The following PTPRK variants were observed in gnomAD, a reference collection of about 807,000 sequenced individuals.
PTPRK encodes the protein receptor-type tyrosine-protein phosphatase kappa.
A neutral mutation model predicts 178.0 loss-of-function variants in PTPRK; 75 were observed. The ratio of observed to expected loss-of-function variants is 0.42; its 90% confidence interval spans 0.35 to 0.51. The LOEUF (loss-of-function observed/expected upper bound fraction) is 0.51. Among genes scored for constraint, PTPRK ranks in the 20% least tolerant of loss-of-function variants. The probability of loss-of-function intolerance (pLI) is 0.02; values close to 1 mark genes in which losing one functional copy is unlikely to be tolerated. For missense variants in PTPRK, 1,441 were observed against 1,797.8 expected, an observed-to-expected ratio of 0.80 and a Z score of 3.59; for synonymous variants, 637 against 620.6, an observed-to-expected ratio of 1.03 and a Z score of -0.39.
intron 2 of PTPRK, among the ~76,000 whole-genome samples, chr6:128,359,559 C>G (rs926671226): frequency 6.6e-6 from 1 of 151,834 alleles, no homozygotes; most frequent in Non-Finnish European, 1.5e-5. Flanking sequence ...CGGGGCCAGC[C>G]TAACCTATAT....
At chr6:128,141,889 A>G (rs1050760052) in intron 7 of PTPRK, among the ~76,000 whole-genome samples, 1 of 151,922 alleles carries the variant, frequency 6.6e-6, no homozygotes, top group African/African-American at 2.4e-5. Context: ...TTTGCTTTCA[A>G]TTTTATAAGA....
At chr6:128,298,486 C>A (rs925419019) in intron 3 of PTPRK, among the ~76,000 whole-genome samples, 1 of 151,664 alleles carries the variant, frequency 6.6e-6, no homozygotes, top group African/African-American at 2.4e-5. Context: ...TACTGGCAAA[C>A]CGAATCCAGC....
rs1166490243 is a variant in PTPRK, at chr6:128,321,665, C to G, written c.495+374G>C. ...AGTCCAGTCTGAAGATTACAATAAA[C>G]TCAAAAAGGCTATTTCTTCCTGAAC... is the stretch of plus-strand genomic sequence containing the variant. On this transcript the variant is annotated intron_variant, in intron 3 of 29. Transcript: ENST00000368226. 9.7e-6 allele frequency: 6 copies of G among 620,516 alleles called. No individual in the cohort carries two copies. The East Asian group carries it at 1.6e-4, about 17-fold the overall frequency. 38.4% of individuals were successfully genotyped at this position (620,516 alleles called of 1,614,324 possible).
chr6:128,270,960 A>T (rs1396784204), intron 3 of PTPRK, among the ~76,000 whole-genome samples: 1 of 152,198 alleles, frequency 6.6e-6, no homozygotes, highest in African/African-American at 2.4e-5. Flanking sequence ...TAAAAAAAAA[A>T]TCTTAAAAAG....
chr6:128,316,354 ATTTCTCCTGACCGCTCATTATT>A (rs1827993912), intron 3 of PTPRK, among the ~76,000 whole-genome samples: 1 of 152,252 alleles, frequency 6.6e-6, no homozygotes, highest in African/African-American at 2.4e-5. Context: ...AACAATGCTT[ATTTCTCCTGACCGCTCATTATT>A]TTTCAATCAG....
chr6:128,214,364 C>T (rs921575692), intron 6 of PTPRK, among the ~76,000 whole-genome samples: 7 of 152,070 alleles, frequency 4.6e-5, no homozygotes, highest in Non-Finnish European at 1.5e-5. Flanking sequence ...GTACCATATT[C>T]CAAACTCTGT....
chr6:128,430,211 C>A (rs1451843944), intron 1 of PTPRK, among the ~76,000 whole-genome samples: 1 of 152,132 alleles, frequency 6.6e-6, no homozygotes, highest in Non-Finnish European at 1.5e-5. Context: ...TCTCAGGAAG[C>A]AGCTTAATAC....
chr6:128,364,198 G>A (rs1835161076), intron 2 of PTPRK, among the ~76,000 whole-genome samples: 1 of 151,884 alleles, frequency 6.6e-6, no homozygotes, highest in East Asian at 1.9e-4. Context: ...TTATCCCTGT[G>A]ATATATAACA....
At chr6:128,337,901 C>A (rs1831162202) in intron 2 of PTPRK, among the ~76,000 whole-genome samples, 1 of 152,092 alleles carries the variant, frequency 6.6e-6, no homozygotes, top group South Asian at 2.1e-4. Flanking sequence ...AAATAAACCA[C>A]TTGTGCAAAG....
chr6:128,051,242 GATAA>G (rs1368765672), intron 13 of PTPRK, among the ~76,000 whole-genome samples: 6 of 152,022 alleles, frequency 3.9e-5, no homozygotes, highest in Non-Finnish European at 7.4e-5. Flanking sequence ...GGTTTCCTCT[GATAA>G]ATAAAATATG....
At chr6:128,316,176 C>A (rs542334425) in intron 3 of PTPRK, among the ~76,000 whole-genome samples, 1 of 152,240 alleles carries the variant, frequency 6.6e-6, no homozygotes, top group African/African-American at 2.4e-5. Context: ...GTATGCAAAA[C>A]AAGAAATCAG....
intron 5 of PTPRK, among the ~76,000 whole-genome samples, chr6:128,225,727 T>C (rs1202106550): frequency 1.3e-5 from 2 of 152,092 alleles, no homozygotes; most frequent in Non-Finnish European, 2.9e-5. Context: ...TTCTTATTTA[T>C]GGCCATAGAA....
intron 3 of PTPRK, among the ~76,000 whole-genome samples, chr6:128,263,717 A>C (rs2128294328): frequency 6.6e-6 from 1 of 151,246 alleles, no homozygotes; most frequent in Non-Finnish European, 1.5e-5. Flanking sequence ...TAAAAATTTA[A>C]CAGTTAGCAT....
At chr6:128,495,547 T>A (rs1467995371) in intron 1 of PTPRK, among the ~76,000 whole-genome samples, 1 of 151,888 alleles carries the variant, frequency 6.6e-6, no homozygotes, top group Non-Finnish European at 1.5e-5. Flanking sequence ...TCCCCACAAA[T>A]CTACTAGCAT....
At chr6:128,303,046 A>G (rs1349173017) in intron 3 of PTPRK, among the ~76,000 whole-genome samples, 2 of 152,186 alleles carry the variant, frequency 1.3e-5, no homozygotes, top group Admixed American at 6.5e-5. Flanking sequence ...CTACGCTTGT[A>G]CAATTAGAAA....
At chr6:128,214,840 A>C (rs1808951874) in intron 6 of PTPRK, among the ~76,000 whole-genome samples, 1 of 152,112 alleles carries the variant, frequency 6.6e-6, no homozygotes, top group South Asian at 2.1e-4. Context: ...CAACGGAATG[A>C]CATCTGTTTG....
chr6:128,404,725 T>C (rs1052224120), intron 1 of PTPRK, among the ~76,000 whole-genome samples: 1 of 152,162 alleles, frequency 6.6e-6, no homozygotes, highest in African/African-American at 2.4e-5. Flanking sequence ...CAAATACCCA[T>C]AGAAATGATT....
At chr6:128,091,633 G>A (rs1252290633) in intron 7 of PTPRK, among the ~76,000 whole-genome samples, 1 of 152,124 alleles carries the variant, frequency 6.6e-6, no homozygotes, top group Admixed American at 6.5e-5. Flanking sequence ...GAGTATATGA[G>A]CAAACAATGC....
chr6:128,137,465 T>G (rs1367594767), intron 7 of PTPRK, among the ~76,000 whole-genome samples: 3 of 152,168 alleles, frequency 2.0e-5, no homozygotes, highest in Admixed American at 1.3e-4. Context: ...TGAAATTTTA[T>G]GTAACTAAAT....
Sources: allele counts gnomAD v4.1 joint callset (sites outside exome capture counted in the v4.1 genomes callset), GRCh38; gene constraint gnomAD v4.1.1; transcripts MANE v1.5; gene names NCBI Gene and HGNC (gene_info 2026-07-23, HGNC 2026-07-21).